The following PDGFRL variants were observed in gnomAD, a reference collection of about 807,000 sequenced individuals.
PDGFRL encodes platelet derived growth factor receptor like, also known as platelet-derived growth factor receptor-like protein.
PDGFRL carries 46 observed loss-of-function variants against 37.2 expected under a neutral mutation model. That is an observed-to-expected ratio of 1.24 (90% CI 0.98 to 1.58). PDGFRL has a LOEUF of 1.58. PDGFRL is among the 40% of genes most tolerant of loss of function. The pLI, the probability that PDGFRL is intolerant of heterozygous loss-of-function variation, is 0.00. For missense variants in PDGFRL, 692 were observed against 467.6 expected (o/e 1.48, Z -4.43); for synonymous variants, 251 against 184.3 (o/e 1.36, Z -2.93).
At chr8:17,599,929 C>G (rs1160350506) in intron 2 of PDGFRL, among the ~76,000 whole-genome samples, 1 of 152,090 alleles carries the variant, frequency 6.6e-6, no homozygotes, top group African/African-American at 2.4e-5. Flanking sequence ...CAATACATCA[C>G]TTACTGCCTC....
intron 1 of PDGFRL, among the ~76,000 whole-genome samples, chr8:17,585,954 G>GT (rs5889722): frequency 0.12 from 18,210 of 151,770 alleles, 1,121 homozygotes; most frequent in Middle Eastern, 0.14. Context: ...GTTTTTGTCT[G>GT]TTTTTTCTTT....
intron 2 of PDGFRL, among the ~76,000 whole-genome samples, chr8:17,595,311 C>T (rs1285679729): frequency 6.6e-6 from 1 of 152,192 alleles, no homozygotes; most frequent in African/African-American, 2.4e-5. Context: ...TTCCAAGTTC[C>T]ACTTGAGTTT....
chr8:17,635,912 G>A lies in PDGFRL; in HGVS notation c.939+1699G>A, dbSNP rs144667829. Among the ~76,000 whole-genome samples, 890 of 152,088 alleles carry A rather than the reference G, an allele frequency of 5.9e-3. 2 individuals carry two copies. The highest frequency in any genetic ancestry group is 9.1e-3 in the Non-Finnish European group (615 of 67,902). ...CGTTTTCATATGTTTGTTGGACTTT[G>A]GTATGTCTTTTGAGAATTGTCTATT... On this transcript the variant is annotated intron_variant, in intron 5 of 5. Coordinates refer to ENST00000251630, the MANE Select transcript of PDGFRL (RefSeq NM_001372073.1).
At chr8:17,616,047 A>G (rs531888161) in intron 2 of PDGFRL, among the ~76,000 whole-genome samples, 1 of 152,232 alleles carries the variant, frequency 6.6e-6, no homozygotes, top group East Asian at 1.9e-4. Context: ...AAGTCTGAAG[A>G]GTAGGTGAAG....
chr8:17,577,146 C>T (rs1803601455), upstream of PDGFRL: 1 of 1,482,344 alleles, frequency 6.7e-7, no homozygotes, highest in South Asian at 1.2e-5. Context: ...AAACCGAATC[C>T]TCCCGCTTCG....
intron 5 of PDGFRL, among the ~76,000 whole-genome samples, chr8:17,635,224 G>A (rs1300224821): frequency 6.6e-6 from 1 of 152,092 alleles, no homozygotes; most frequent in East Asian, 1.9e-4. Flanking sequence ...TGAGATTTCG[G>A]TGTATCCATC....
At chr8:17,608,522 C>T (rs1188705175) in intron 2 of PDGFRL, among the ~76,000 whole-genome samples, 1 of 152,204 alleles carries the variant, frequency 6.6e-6, no homozygotes, top group Non-Finnish European at 1.5e-5. Context: ...GAGGGAGGCA[C>T]TGTCCCATAC....
intron 5 of PDGFRL, among the ~76,000 whole-genome samples, chr8:17,637,953 T>C (rs1239839981): frequency 2.0e-5 from 3 of 152,188 alleles, no homozygotes; most frequent in Admixed American, 6.5e-5. Context: ...TTGGATCTTC[T>C]TGGTTAATTT....
intron 2 of PDGFRL, among the ~76,000 whole-genome samples, chr8:17,594,300 G>C (rs761455365): frequency 6.6e-6 from 1 of 151,894 alleles, no homozygotes; most frequent in African/African-American, 2.4e-5. Flanking sequence ...GAGTGCAGTG[G>C]GGGGATCTCG....
intron 1 of PDGFRL, among the ~76,000 whole-genome samples, chr8:17,583,788 C>T (rs113288701): frequency 6.6e-6 from 1 of 151,500 alleles, no homozygotes; most frequent in South Asian, 2.1e-4. Context: ...TTGCACCTCC[C>T]CTCTCTCTCT....
At chr8:17,621,499 A>G (rs1267519219) in intron 3 of PDGFRL, among the ~76,000 whole-genome samples, 1 of 151,996 alleles carries the variant, frequency 6.6e-6, no homozygotes, top group Non-Finnish European at 1.5e-5. Flanking sequence ...ACAGGATTTC[A>G]ACACAAACCA....
chr8:17,592,976 TAAATAA>T (rs1803975123), intron 2 of PDGFRL, among the ~76,000 whole-genome samples: 1 of 150,738 alleles, frequency 6.6e-6, no homozygotes, highest in Non-Finnish European at 1.5e-5. Flanking sequence ...ACCTTGAGAG[TAAATAA>T]AAATAGACGT....
upstream of PDGFRL, chr8:17,577,061 A>T (rs997113646): frequency 1.4e-5 from 9 of 628,618 alleles, no homozygotes; most frequent in Non-Finnish European, 2.0e-5. Context: ...GGGGCAGGAG[A>T]AGTCACATTA....
At chr8:17,601,396 C>G (rs1029135937) in intron 2 of PDGFRL, among the ~76,000 whole-genome samples, 5 of 152,060 alleles carry the variant, frequency 3.3e-5, no homozygotes, top group African/African-American at 1.2e-4. Context: ...TGGGAGCAAG[C>G]TCAAAGAACT....
chr8:17,632,779 C>T (rs965363361), intron 4 of PDGFRL, among the ~76,000 whole-genome samples: 3 of 152,132 alleles, frequency 2.0e-5, no homozygotes, highest in African/African-American at 7.2e-5. Flanking sequence ...CCCCTCCTCT[C>T]CCCAGCCCTC....
At chr8:17,607,601 G>A (rs1804310183) in intron 2 of PDGFRL, among the ~76,000 whole-genome samples, 1 of 152,094 alleles carries the variant, frequency 6.6e-6, no homozygotes. Flanking sequence ...ATAATTTTGG[G>A]GCATCTTGCA....
intron 3 of PDGFRL, among the ~76,000 whole-genome samples, chr8:17,628,057 T>C (rs540676046): frequency 7.1e-6 from 1 of 141,382 alleles, no homozygotes; most frequent in Admixed American, 7.4e-5. Flanking sequence ...GCAGTGGCGC[T>C]ATCTCGGCTC....
chr8:17,611,326 C>G (rs565035612), intron 2 of PDGFRL, among the ~76,000 whole-genome samples: 52 of 152,360 alleles, frequency 3.4e-4, no homozygotes, highest in African/African-American at 1.2e-3. Flanking sequence ...AACCCACTTT[C>G]ACTCACTGAA....
chr8:17,592,805 A>G (rs1022642601), intron 2 of PDGFRL, among the ~76,000 whole-genome samples: 3 of 152,020 alleles, frequency 2.0e-5, no homozygotes, highest in Admixed American at 1.3e-4. Flanking sequence ...TTCTTTCAAC[A>G]TCTTTGTTTT....
Sources: allele counts gnomAD v4.1 joint callset (sites outside exome capture counted in the v4.1 genomes callset), GRCh38; gene constraint gnomAD v4.1.1; transcripts MANE v1.5; gene names NCBI Gene and HGNC (gene_info 2026-07-23, HGNC 2026-07-21).